UTS2B: variants seen among roughly 807,000 people sequenced by gnomAD.
UTS2B encodes the protein urotensin 2B, also known as urotensin-2B.
A neutral mutation model predicts 19.2 loss-of-function variants in UTS2B; 21 were observed. The ratio of observed to expected loss-of-function variants is 1.09; its 90% CI spans 0.78 to 1.58. The LOEUF is 1.58. Among genes scored for constraint, UTS2B ranks in the 40% most tolerant of loss-of-function variants. The probability of loss-of-function intolerance (pLI) is 0.00; values close to 1 mark genes in which losing one functional copy is unlikely to be tolerated. For synonymous variants in UTS2B, 57 were observed against 50.2 expected, an observed-to-expected ratio of 1.14 and a Z score of -0.58; for missense variants, 138 against 130.3, an observed-to-expected ratio of 1.06 and a Z score of -0.29.
At position 191,329,334 on chromosome 3, in the gene UTS2B, C is replaced by T. The variant is rs931787701; in HGVS notation, c.-664-625G>A. On this transcript the variant is annotated intron_variant, in intron 1 of 8. Transcript: ENST00000340524. ...TTACAGACCTGCAGCTCCCCCTCCCCCAGCCGGCCCGCCCGCCTTTCTGTC... is the reference window on the plus strand; with the variant it reads ...TTACAGACCTGCAGCTCCCCCTCCCTCAGCCGGCCCGCCCGCCTTTCTGTC... The T allele has an allele frequency of 5.4e-5, 15 of 277,858 alleles. 1 individual carries two copies. In the East Asian group the frequency reaches 9.9e-4, roughly 18 times the overall value. The allele number at this position is 277,858 out of a possible 1,614,324, so 17.2% of individuals were successfully genotyped here.
the UTS2B span, among the ~76,000 whole-genome samples, chr3:191,342,334 T>G: frequency 6.6e-6 from 1 of 152,188 alleles, no homozygotes; most frequent in African/African-American, 2.4e-5. Flanking sequence ...GTTGGGGAAT[T>G]TTGAATATTG....
chr3:191,338,785 G>T, the UTS2B span, among the ~76,000 whole-genome samples: 34 of 152,288 alleles, frequency 2.2e-4, no homozygotes, highest in South Asian at 2.1e-3. Flanking sequence ...GTTGATTGGT[G>T]TTGTGATTGA....
intron 4 of UTS2B, among the ~76,000 whole-genome samples, chr3:191,303,187 G>A (rs150503): frequency 0.6 from 90,965 of 152,024 alleles, 27,636 homozygotes; most frequent in African/African-American, 0.7. Context: ...TGAGGATACT[G>A]TATAAACTTC....
Position 191,276,786 on chromosome 3 carries a change from T to A in UTS2B, c.240+21A>T, listed in dbSNP as rs184660575. On this transcript the variant is annotated intron_variant, in intron 7 of 8. Coordinates refer to ENST00000340524, the MANE Select transcript of UTS2B (RefSeq NM_198152.5). ...TATAATTGTTATTAAAACTGCTCAT[T>A]TAAGTATTTCACATTCTCACCTGGT... 3.3e-5 allele frequency: 53 copies of A among 1,604,696 alleles called. No individual in the cohort carries two copies. In the East Asian group the frequency reaches 1.1e-3, roughly 35 times the overall value.
At chr3:191,303,330 T>C (rs909581456) in intron 4 of UTS2B, among the ~76,000 whole-genome samples, 6 of 152,184 alleles carry the variant, frequency 3.9e-5, no homozygotes, top group Non-Finnish European at 2.9e-5. Context: ...ATTGTCAAAC[T>C]TTCAGAGGGT....
At chr3:191,332,955 G>A (rs1718039359), upstream of UTS2B, among the ~76,000 whole-genome samples, 1 of 152,108 alleles carries the variant, frequency 6.6e-6, no homozygotes, top group South Asian at 2.1e-4. Context: ...ACCACTTTTA[G>A]CCATGCAGTG....
the UTS2B span, among the ~76,000 whole-genome samples, chr3:191,340,054 A>G: frequency 5.9e-5 from 9 of 152,256 alleles, no homozygotes; most frequent in African/African-American, 1.9e-4. Flanking sequence ...TAATACTTGT[A>G]TCCAAAAGAC....
chr3:191,319,451 C>T (rs146536037), intron 2 of UTS2B, among the ~76,000 whole-genome samples: 5 of 152,294 alleles, frequency 3.3e-5, no homozygotes, highest in East Asian at 3.9e-4. Context: ...ATGTCCCTCA[C>T]GGCAAAGCAG....
chr3:191,335,159 CAT>C (rs993298985), upstream of UTS2B, among the ~76,000 whole-genome samples: 3 of 152,092 alleles, frequency 2.0e-5, no homozygotes, highest in Admixed American at 6.6e-5. Flanking sequence ...TGACAAAAAA[CAT>C]GTGAGTTTCA....
upstream of UTS2B, among the ~76,000 whole-genome samples, chr3:191,333,486 T>G (rs1718053299): frequency 1.3e-5 from 2 of 152,172 alleles, no homozygotes; most frequent in South Asian, 4.1e-4. Context: ...TGTACATATA[T>G]CTGGCTACAC....
At chr3:191,330,258 C>T (rs1464835418) in intron 1 of UTS2B, among the ~76,000 whole-genome samples, 156 bp downstream of exon 1, 1 of 151,762 alleles carries the variant, frequency 6.6e-6, no homozygotes, top group Admixed American at 6.6e-5. Flanking sequence ...GTGTTCTGCG[C>T]GGGCGGGAAG....
At chr3:191,322,485 T>C (rs1274887769) in intron 2 of UTS2B, among the ~76,000 whole-genome samples, 1 of 152,160 alleles carries the variant, frequency 6.6e-6, no homozygotes, top group East Asian at 1.9e-4. Context: ...ATAAGAACAG[T>C]TTGTTTTTGG....
At chr3:191,317,992 T>C (rs1343750237) in intron 2 of UTS2B, among the ~76,000 whole-genome samples, 1 of 152,192 alleles carries the variant, frequency 6.6e-6, no homozygotes, top group Non-Finnish European at 1.5e-5. Context: ...GAATGTCACT[T>C]CTACTGCATT....
chr3:191,268,744 A>G (rs1716009544), intron 8 of UTS2B, among the ~76,000 whole-genome samples: 1 of 152,252 alleles, frequency 6.6e-6, no homozygotes, highest in African/African-American at 2.4e-5. Context: ...CAACACTGTT[A>G]TAAATTATAA....
chr3:191,314,045 C>G (rs1717379415), intron 3 of UTS2B, among the ~76,000 whole-genome samples: 1 of 152,086 alleles, frequency 6.6e-6, no homozygotes, highest in Non-Finnish European at 1.5e-5. Context: ...CACTTGTTTT[C>G]TGAGGAAACC....
At chr3:191,285,539 G>A (rs2108578710) in intron 4 of UTS2B, among the ~76,000 whole-genome samples, 1 of 152,278 alleles carries the variant, frequency 6.6e-6, no homozygotes, top group Middle Eastern at 3.4e-3. Flanking sequence ...AAAAGACATA[G>A]ATGAATAAAA....
chr3:191,343,254 C>G, the UTS2B span, among the ~76,000 whole-genome samples: 28 of 152,182 alleles, frequency 1.8e-4, no homozygotes, highest in African/African-American at 6.5e-4. Context: ...ATTACAGGGG[C>G]GTAAACATAA....
intron 3 of UTS2B, among the ~76,000 whole-genome samples, chr3:191,314,894 C>T (rs1717403998): frequency 6.6e-6 from 1 of 152,160 alleles, no homozygotes; most frequent in Non-Finnish European, 1.5e-5. Flanking sequence ...TTTTGTTCCC[C>T]TTCTCACTTG....
At chr3:191,338,758 T>G in the UTS2B span, among the ~76,000 whole-genome samples, 1 of 152,212 alleles carries the variant, frequency 6.6e-6, no homozygotes, top group Admixed American at 6.5e-5. Context: ...GTTCCAGCTC[T>G]CAAATTTCTA....
Sources: allele counts gnomAD v4.1 joint callset (sites outside exome capture counted in the v4.1 genomes callset), GRCh38; gene constraint gnomAD v4.1.1; transcripts MANE v1.5; gene names NCBI Gene and HGNC (gene_info 2026-07-23, HGNC 2026-07-21).